Variants in EIF3H observed in about 807,000 individuals in gnomAD.
EIF3H encodes eukaryotic translation initiation factor 3 subunit H.
EIF3H carries 26 observed loss-of-function variants against 44.2 expected under a neutral mutation model. That is an observed-to-expected ratio of 0.59 (90% confidence interval 0.43 to 0.82). The LOEUF is 0.82. Ranked by LOEUF, EIF3H falls within the 40% of genes least tolerant of loss-of-function variation. EIF3H has a pLI of 0.00. For missense variants in EIF3H, 359 were observed against 432.8 expected (o/e 0.83, Z 1.51); for synonymous variants, 166 against 151.9 (o/e 1.09, Z -0.68).
intron 1 of EIF3H, 148 bp downstream of exon 1, chr8:116,755,518 A>T: frequency 1.9e-6 from 2 of 1,054,016 alleles, no homozygotes; most frequent in South Asian, 3.3e-5. Flanking sequence ...CTGAACAAAA[A>T]GTGAAGATGA....
At position 116,645,042 on chromosome 8, in the gene EIF3H, G is replaced by T. The variant is rs757793181; in HGVS notation, c.1023C>A (p.Leu341=). 6.2e-7 allele frequency: 1 copy of T among 1,614,144 alleles called. No individual in the cohort carries two copies. Among genetic ancestry groups the T allele is most frequent in the Admixed American group, 1.7e-5 (1 of 60,032 alleles). The change falls in exon 8 of 8, where the codon CTC becomes CTA. Residue 341 remains leucine (L), a synonymous_variant. Transcript: ENST00000521861. The part of the protein sequence containing the change: ...KEFTAQNLGK[L]FMAQALQEYN... Reference sequence around the variant, plus strand: ...ATTCTTGAAGAGCCTGGGCCATGAAGAGCTTGCCTAAGTTTTGGGCAGTGA... The same window carrying T: ...ATTCTTGAAGAGCCTGGGCCATGAATAGCTTGCCTAAGTTTTGGGCAGTGA...
chr8:116,646,185 C>T (rs1005987070), intron 7 of EIF3H, among the ~76,000 whole-genome samples: 1 of 152,162 alleles, frequency 6.6e-6, no homozygotes, highest in Admixed American at 6.5e-5. Flanking sequence ...AGACTGTAAA[C>T]AATTTTTCTG....
intron 2 of EIF3H, among the ~76,000 whole-genome samples, chr8:116,721,335 A>G (rs944954778): frequency 4.6e-5 from 7 of 152,186 alleles, no homozygotes; most frequent in South Asian, 2.1e-4. Context: ...ACCTCCGCCT[A>G]AATTTCAGAG....
chr8:116,698,429 C>T (rs563688223), intron 2 of EIF3H, among the ~76,000 whole-genome samples: 204 of 152,236 alleles, frequency 1.3e-3, no homozygotes, highest in African/African-American at 4.8e-3. Flanking sequence ...TCTTCATTCC[C>T]GCCACCACTA....
At chr8:116,766,335 T>G, upstream of EIF3H, 1 of 398,320 alleles carries the variant, frequency 2.5e-6, no homozygotes, top group South Asian at 4.3e-5. Flanking sequence ...TGCGCCCCCG[T>G]GCGGAATCGC....
At chr8:116,746,579 T>C (rs368124062) in intron 1 of EIF3H, among the ~76,000 whole-genome samples, 1 of 152,326 alleles carries the variant, frequency 6.6e-6, no homozygotes, top group African/African-American at 2.4e-5. Flanking sequence ...CCAGGATATA[T>C]TCACTTTATG....
At chr8:116,664,654 T>C (rs1039706540) in intron 2 of EIF3H, among the ~76,000 whole-genome samples, 1 of 152,140 alleles carries the variant, frequency 6.6e-6, no homozygotes, top group African/African-American at 2.4e-5. Context: ...AAAGTAAAAA[T>C]GGAGCTTATT....
In EIF3H at chr8:116,700,090, G is replaced by A. The variant is rs1288825175; in HGVS notation, c.289+25926C>T. On this transcript the variant is annotated intron_variant, in intron 2 of 7. Transcript: ENST00000521861. ...CAAAGTGTTGGGATTACAGGCGTGA[G>A]CCACCGTGCCCGGCCGTAGGTTTTT... Among the ~76,000 whole-genome samples, 10 of 152,204 alleles carry A rather than the reference G, an allele frequency of 6.6e-5. No individual in the cohort carries two copies. The South Asian group carries it at 1.9e-3, about 28-fold the overall frequency.
At position 116,643,476 on chromosome 8, in the gene EIF3H, G is replaced by A. The variant is rs1172329640; in HGVS notation, c.*1530C>T. 2.0e-5 allele frequency: 3 copies of A among 152,138 alleles called. No individual in the cohort carries two copies. The highest frequency in any genetic ancestry group is 2.0e-4 in the Admixed American group (3 of 15,268). The allele number at this position is 152,138 out of a possible 1,614,324, so 9.4% of individuals were successfully genotyped here. A position where few individuals can be genotyped will look rare whatever the true frequency, so the allele number is the denominator to read the frequency against. ...GCCAACAACCCAACATCCTGGAAGG[G>A]GTGCCTAGAATGCCTCCCTCATCAT... is the stretch of plus-strand genomic sequence containing the variant. On this transcript the variant is annotated 3_prime_UTR_variant, in exon 8 of 8. Coordinates refer to ENST00000521861, the MANE Select transcript of EIF3H (RefSeq NM_003756.3).
At chr8:116,680,201 G>GGGGT (rs1279841749) in intron 2 of EIF3H, among the ~76,000 whole-genome samples, 4 of 50,642 alleles carry the variant, frequency 7.9e-5, no homozygotes, top group African/African-American at 2.7e-4. Flanking sequence ...GGGAGGGTGG[G>GGGGT]GGGGGGGGTC....
At chr8:116,694,013 A>G (rs1476866921) in intron 2 of EIF3H, among the ~76,000 whole-genome samples, 2 of 151,960 alleles carry the variant, frequency 1.3e-5, no homozygotes, top group Admixed American at 6.6e-5. Flanking sequence ...GAGCGTTAAG[A>G]TTTTTTCAAT....
chr8:116,655,947 T>C lies in EIF3H; in HGVS notation c.616A>G (p.Lys206Glu), dbSNP rs770997701. ...YMFEEVPIVI[K>E]NSHLINVLMW... ...AGGACATTGATCAGATGTGAATTTT[T>C]AATTACAATCGGCACTTCTTCAAAC... Residue 206 changes from lysine to glutamate, a missense_variant, in exon 5 of 8, where the codon AAA (lysine) becomes GAA (glutamate). Physicochemically the swap from Lys to Glu is moderately conservative, Grantham distance 56. Transcript: ENST00000521861. 2.5e-6 allele frequency: 4 copies of C among 1,613,690 alleles called. No homozygotes were observed. The highest frequency in any genetic ancestry group is 3.4e-6 in the Non-Finnish European group (4 of 1,179,764).
At chr8:116,700,978 A>G (rs1814365841) in intron 2 of EIF3H, among the ~76,000 whole-genome samples, 1 of 152,194 alleles carries the variant, frequency 6.6e-6, no homozygotes, top group Non-Finnish European at 1.5e-5. Context: ...CTAAATTTAT[A>G]TTGTTAAATT....
rs762497959 is a variant in EIF3H, at chr8:116,755,729, C to T, written c.69G>A (p.Gly23=). 1.2e-6 allele frequency: 2 copies of T among 1,613,744 alleles called. No homozygotes were observed. Among genetic ancestry groups the T allele is most frequent in the Non-Finnish European group, 1.7e-6 (2 of 1,179,736 alleles). The part of the protein sequence containing the change: ...TSSSSTAGAA[G]KGKGKGGSGD... ...CCGAGCCGCCTTTGCCTTTGCCTTT[C>T]CCTGCTGCGCCGGCGGTGGAGCTGG... Residue 23 remains glycine (G), a synonymous_variant, in exon 1 of 8, where the codon GGG becomes GGA. Transcript: ENST00000521861.
Position 116,726,639 on chromosome 8 carries a change from C to T in EIF3H, c.133-467G>A, listed in dbSNP as rs181094453. Among the ~76,000 whole-genome samples the T allele has an allele frequency of 3.2e-3, 494 of 152,324 alleles. 5 individuals carry two copies. Among genetic ancestry groups the T allele is most frequent in the African/African-American group, 0.011 (475 of 41,574 alleles). On this transcript the variant is annotated intron_variant, in intron 1 of 7. Coordinates refer to ENST00000521861, the MANE Select transcript of EIF3H (RefSeq NM_003756.3). Reference sequence around the variant, plus strand: ...TAAATTCTCATTTTGCCTTTCTCAACAGATCATCTCCATAGTCAGAGGATG... The same window carrying T: ...TAAATTCTCATTTTGCCTTTCTCAATAGATCATCTCCATAGTCAGAGGATG...
intron 1 of EIF3H, among the ~76,000 whole-genome samples, chr8:116,742,750 T>C (rs1815152948): frequency 6.6e-6 from 1 of 152,208 alleles, no homozygotes; most frequent in South Asian, 2.1e-4. Context: ...GAAACATGTA[T>C]AAAGCAACTA....
intron 1 of EIF3H, 52 bp downstream of exon 1, chr8:116,755,614 G>T: frequency 6.2e-7 from 1 of 1,609,894 alleles, no homozygotes; most frequent in Non-Finnish European, 8.5e-7. Context: ...GGTGGGACGG[G>T]GCTGGGAACT....
chr8:116,685,957 GA>G (rs1814068528), intron 2 of EIF3H, among the ~76,000 whole-genome samples: 2 of 152,222 alleles, frequency 1.3e-5, no homozygotes, highest in African/African-American at 4.8e-5. Context: ...ACGGCAAACT[GA>G]AAAGTGTTTA....
rs1003612261 is a variant in EIF3H, at chr8:116,658,507, G to A, written c.457+306C>T. 55 of 252,182 alleles carry A rather than the reference G, an allele frequency of 2.2e-4. 1 individual carries two copies. The East Asian group carries it at 4.5e-3, about 21-fold the overall frequency. 15.6% of individuals were successfully genotyped at this position (252,182 alleles called of 1,614,324 possible). A position where few individuals can be genotyped will look rare whatever the true frequency, so the allele number is the denominator to read the frequency against. On this transcript the variant is annotated intron_variant, in intron 3 of 7. Transcript: ENST00000521861. Reference sequence around the variant, plus strand: ...TACAGAGCCAGACACTCTAGCAATCGGGGTTTGTTAGACATCTGGTCTAGT... The same window carrying A: ...TACAGAGCCAGACACTCTAGCAATCAGGGTTTGTTAGACATCTGGTCTAGT...
Sources: gnomAD v4.1 joint callset for allele counts (sites outside exome capture counted in the v4.1 genomes callset) on GRCh38, gnomAD v4.1.1 for gene constraint, MANE v1.5 for transcripts, NCBI Gene and HGNC (gene_info 2026-07-23, HGNC 2026-07-21) for gene names.